The following ATP10A variants were observed in gnomAD, a reference collection of about 807,000 sequenced individuals.
ATP10A encodes the protein ATPase phospholipid transporting 10A (putative).
ATP10A carries 111 observed loss-of-function variants against 147.8 expected under a neutral mutation model. The observed-to-expected ratio is 0.75, with a 90% CI of 0.64 to 0.88. ATP10A has a LOEUF of 0.88. Among genes scored for constraint, ATP10A ranks in the 40% least tolerant of loss-of-function variants. The pLI is 0.00. For missense variants in ATP10A, 1,927 were observed against 1,959.0 expected, an observed-to-expected ratio of 0.98 and a Z score of 0.31; for synonymous variants, 875 against 841.6, an observed-to-expected ratio of 1.04 and a Z score of -0.69.
At chr15:25,801,251 T>C (rs1256488044) in intron 1 of ATP10A, among the ~76,000 whole-genome samples, 1 of 152,028 alleles carries the variant, frequency 6.6e-6, no homozygotes, top group Non-Finnish European at 1.5e-5. Flanking sequence ...CTGATGCAGG[T>C]GTCCAGGGGC....
At chr15:25,694,722 T>C (rs1032727597) in intron 14 of ATP10A, 97 bp downstream of exon 14, 1 of 1,085,746 alleles carries the variant, frequency 9.2e-7, no homozygotes. Flanking sequence ...GAAAGAAAGG[T>C]GAGGAAGTGT....
chr15:25,789,376 G>A (rs1890307675), intron 1 of ATP10A, among the ~76,000 whole-genome samples: 1 of 152,152 alleles, frequency 6.6e-6, no homozygotes, highest in South Asian at 2.1e-4. Flanking sequence ...CAACTAACAG[G>A]AGAAGTGTGT....
intron 17 of ATP10A, among the ~76,000 whole-genome samples, chr15:25,682,958 T>C (rs1899504038): frequency 6.6e-6 from 1 of 152,158 alleles, no homozygotes; most frequent in Non-Finnish European, 1.5e-5. Flanking sequence ...TCTTGTTAAT[T>C]CCCGTTCAAA....
At chr15:25,798,034 AT>A (rs1170688548) in intron 1 of ATP10A, among the ~76,000 whole-genome samples, 1 of 152,158 alleles carries the variant, frequency 6.6e-6, no homozygotes, top group Admixed American at 6.5e-5. Flanking sequence ...CCCTTGCAAA[AT>A]TCGTCAGGGT....
intron 2 of ATP10A, among the ~76,000 whole-genome samples, chr15:25,746,702 A>G (rs1567351976): frequency 6.6e-6 from 1 of 152,250 alleles, no homozygotes; most frequent in Non-Finnish European, 1.5e-5. Flanking sequence ...AAATTATGTA[A>G]TACAATTCTA....
intron 1 of ATP10A, among the ~76,000 whole-genome samples, chr15:25,793,240 T>G (rs1890516657): frequency 6.6e-6 from 1 of 152,116 alleles, no homozygotes; most frequent in Non-Finnish European, 1.5e-5. Context: ...TTTTATTCAA[T>G]TCCAAGAGAA....
At chr15:25,762,760 T>G (rs1252898911) in intron 2 of ATP10A, among the ~76,000 whole-genome samples, 2 of 152,104 alleles carry the variant, frequency 1.3e-5, no homozygotes, top group Non-Finnish European at 2.9e-5. Context: ...GTAAATTTTC[T>G]GTAGAGACAA....
chr15:25,771,291 C>A (rs1426322768), intron 2 of ATP10A, among the ~76,000 whole-genome samples: 2 of 152,050 alleles, frequency 1.3e-5, no homozygotes, highest in Non-Finnish European at 2.9e-5. Flanking sequence ...CACAAAGAGC[C>A]CGGCACGGCA....
At chr15:25,775,552 C>A (rs1361401255) in intron 2 of ATP10A, among the ~76,000 whole-genome samples, 6 of 152,226 alleles carry the variant, frequency 3.9e-5, no homozygotes, top group Admixed American at 2.0e-4. Context: ...CTCCTTTTAT[C>A]TTTCTTCCTT....
intron 1 of ATP10A, among the ~76,000 whole-genome samples, chr15:25,802,428 CG>C (rs113489718): frequency 0.31 from 35,514 of 115,758 alleles, 4,283 homozygotes; most frequent in Middle Eastern, 0.41. Flanking sequence ...TGTTGTGTTC[CG>C]ACCACTAGGC....
Position 25,713,593 on chromosome 15 carries a change from T to C in ATP10A, c.2344+81A>G, listed in dbSNP as rs1030958324. 1.3e-4 allele frequency: 176 copies of C among 1,345,796 alleles called. 2 individuals are homozygous for C. Among genetic ancestry groups the C allele is most frequent in the Non-Finnish European group, 6.5e-5 (64 of 978,758 alleles). The allele number at this position is 1,345,796 out of a possible 1,614,324, so 83.4% of individuals were successfully genotyped here. On this transcript the variant is annotated intron_variant, in intron 10 of 20. Coordinates refer to ENST00000555815, the MANE Select transcript of ATP10A (RefSeq NM_024490.4). ...AAAGGATTAATGAAAATCACTTTAC[T>C]CAAGAGAAGGAATTGGGTGGGGATA... is the stretch of plus-strand genomic sequence containing the variant.
chr15:25,744,508 A>C (rs1230541873), intron 2 of ATP10A, among the ~76,000 whole-genome samples: 1 of 152,188 alleles, frequency 6.6e-6, no homozygotes, highest in African/African-American at 2.4e-5. Flanking sequence ...AGAACCAACA[A>C]AACAAGAATA....
At chr15:25,752,002 G>T (rs574462415) in intron 2 of ATP10A, among the ~76,000 whole-genome samples, 19 of 152,174 alleles carry the variant, frequency 1.2e-4, no homozygotes, top group Admixed American at 2.6e-4. Context: ...TTACCAAAAA[G>T]ATAAAAGATA....
chr15:25,771,074 CCCG>C (rs1190744678), intron 2 of ATP10A, among the ~76,000 whole-genome samples: 1 of 152,110 alleles, frequency 6.6e-6, no homozygotes, highest in Non-Finnish European at 1.5e-5. Context: ...TCCTTTTCAG[CCCG>C]CCACCACCAG....
intron 2 of ATP10A, among the ~76,000 whole-genome samples, chr15:25,746,465 T>C (rs1003521830): frequency 3.3e-5 from 5 of 152,198 alleles, no homozygotes; most frequent in African/African-American, 1.2e-4. Context: ...AAGTTATATA[T>C]TTGAGCATCA....
intron 1 of ATP10A, among the ~76,000 whole-genome samples, chr15:25,844,150 C>A (rs1892922279): frequency 6.6e-6 from 1 of 152,194 alleles, no homozygotes; most frequent in Non-Finnish European, 1.5e-5. Context: ...CTGTCATACA[C>A]TTTGCTCGCA....
rs146522541 is a variant in ATP10A, at chr15:25,781,164, C to T, written c.509G>A (p.Arg170His). 6.9e-4 allele frequency: 1,114 copies of T among 1,614,174 alleles called. No homozygotes were observed. The highest frequency in any genetic ancestry group is 8.3e-4 in the Non-Finnish European group (984 of 1,180,040). Residue 170 changes from arginine (R) to histidine (H), a missense_variant, in exon 2 of 21, where the codon CGT (arginine) becomes CAT (histidine). By Grantham distance (29) the Arg-to-His change is conservative. Transcript: ENST00000555815. Reference protein sequence around the residue: ...WKEIHVGDFVRLRCNEIFPAD... With the variant: ...WKEIHVGDFVHLRCNEIFPAD... ...AGGGAAGATTTCGTTGCAGCGAAGA[C>T]GCACAAAGTCTCCCACGTGGATTTC...
At position 25,785,370 on chromosome 15, in the gene ATP10A, G is replaced by A. The variant is rs144241518; in HGVS notation, c.450-4147C>T. On this transcript the variant is annotated intron_variant, in intron 1 of 20. Coordinates refer to ENST00000555815, the MANE Select transcript of ATP10A (RefSeq NM_024490.4). ...CAGGGAGAACATGGCGAGGGGAGGG[G>A]CCTCAGGAGGACCCATCCTGCCCAC... is the stretch of plus-strand genomic sequence containing the variant. Among the ~76,000 whole-genome samples, 442 of 152,322 alleles carry A rather than the reference G, an allele frequency of 2.9e-3. 1 individual carries two copies. The highest frequency in any genetic ancestry group is 0.01 in the Middle Eastern group (3 of 294).
At chr15:25,809,903 C>T (rs1891353170) in intron 1 of ATP10A, among the ~76,000 whole-genome samples, 1 of 152,130 alleles carries the variant, frequency 6.6e-6, no homozygotes, top group Admixed American at 6.5e-5. Context: ...GAAGAAGTGG[C>T]CTGCCCTGGT....
Sources: gnomAD v4.1 joint callset for allele counts (sites outside exome capture counted in the v4.1 genomes callset) on GRCh38, gnomAD v4.1.1 for gene constraint, MANE v1.5 for transcripts, NCBI Gene and HGNC (gene_info 2026-07-23, HGNC 2026-07-21) for gene names.